Variants in SAMMSON observed in about 807,000 individuals in gnomAD.
SAMMSON encodes the protein survival associated mitochondrial melanoma specific oncogenic non-coding RNA, also known as long intergenic non-protein coding RNA 1212.
intron 4 of SAMMSON, among the ~76,000 whole-genome samples, chr3:70,230,166 C>A (rs1701544355): frequency 6.6e-6 from 1 of 152,156 alleles, no homozygotes; most frequent in African/African-American, 2.4e-5. Flanking sequence ...CTATCAGACA[C>A]AAGAGCCATC....
At chr3:70,112,438 A>G (rs2067393344) in intron 4 of SAMMSON, among the ~76,000 whole-genome samples, 1 of 152,138 alleles carries the variant, frequency 6.6e-6, no homozygotes, top group African/African-American at 2.4e-5. Flanking sequence ...AAAAATGGAA[A>G]CATTGGAAGG....
At chr3:70,119,454 C>G (rs1355597892) in intron 4 of SAMMSON, among the ~76,000 whole-genome samples, 5 of 152,060 alleles carry the variant, frequency 3.3e-5, no homozygotes, top group Admixed American at 3.3e-4. Flanking sequence ...GCTGAAATAG[C>G]ACATAGAACA....
intron 7 of SAMMSON, among the ~76,000 whole-genome samples, chr3:70,348,274 A>G (rs188338580): frequency 6.6e-6 from 1 of 152,224 alleles, no homozygotes; most frequent in Non-Finnish European, 1.5e-5. Context: ...GAAGATGGTC[A>G]TGGACAGAGG....
chr3:70,124,731 C>T (rs13318539), intron 4 of SAMMSON, among the ~76,000 whole-genome samples: 35,984 of 143,322 alleles, frequency 0.25, 4,815 homozygotes, highest in East Asian at 0.53. Flanking sequence ...AGGAGAATGG[C>T]GTGAACCCGG....
At chr3:70,225,520 A>C (rs1366362532) in intron 4 of SAMMSON, among the ~76,000 whole-genome samples, 3 of 152,352 alleles carry the variant, frequency 2.0e-5, no homozygotes, top group South Asian at 2.1e-4. Flanking sequence ...ATTCTAGTTT[A>C]AGAAAGCAAC....
At chr3:70,153,095 T>C (rs1164226695) in intron 4 of SAMMSON, among the ~76,000 whole-genome samples, 3 of 151,966 alleles carry the variant, frequency 2.0e-5, no homozygotes, top group African/African-American at 4.8e-5. Flanking sequence ...ATATATATTA[T>C]ACACATATAT....
chr3:70,423,730 G>A (rs1701331692), intron 2 of SAMMSON, among the ~76,000 whole-genome samples: 2 of 152,182 alleles, frequency 1.3e-5, no homozygotes, highest in Non-Finnish European at 2.9e-5. Flanking sequence ...AACTCTGTAT[G>A]TTTGGGGGTT....
At chr3:70,028,432 G>A (rs1424484071) in intron 3 of SAMMSON, among the ~76,000 whole-genome samples, 1 of 152,084 alleles carries the variant, frequency 6.6e-6, no homozygotes, top group Non-Finnish European at 1.5e-5. Flanking sequence ...CAGCCAGAGG[G>A]GTGAACTGAT....
At chr3:70,107,048 C>T (rs1414613618) in intron 4 of SAMMSON, among the ~76,000 whole-genome samples, 2 of 152,096 alleles carry the variant, frequency 1.3e-5, no homozygotes, top group African/African-American at 4.8e-5. Flanking sequence ...AATGCATTGT[C>T]TTGAGAGCTA....
chr3:70,295,748 T>C (rs1283581173), intron 7 of SAMMSON, among the ~76,000 whole-genome samples: 1 of 152,170 alleles, frequency 6.6e-6, no homozygotes, highest in Non-Finnish European at 1.5e-5. Context: ...TTTAAAGTGC[T>C]GTATCTTTTG....
intron 6 of SAMMSON, among the ~76,000 whole-genome samples, chr3:70,259,668 C>T (rs1240520921): frequency 2.6e-5 from 4 of 152,158 alleles, no homozygotes; most frequent in African/African-American, 9.7e-5. Flanking sequence ...TCAGTGGGCT[C>T]CCATATTAGT....
chr3:70,068,187 T>G (rs2067217427), intron 3 of SAMMSON: 1 of 152,098 alleles, frequency 6.6e-6, no homozygotes, highest in Admixed American at 6.6e-5. Context: ...CATTTTCTTT[T>G]CCTGTTATAG....
chr3:70,276,875 G>A (rs1464548632), intron 6 of SAMMSON, among the ~76,000 whole-genome samples: 1 of 152,104 alleles, frequency 6.6e-6, no homozygotes, highest in Non-Finnish European at 1.5e-5. Context: ...TTGTAGTTTT[G>A]TCAAATTACA....
chr3:70,391,014 A>T (rs1036307193), downstream of SAMMSON, among the ~76,000 whole-genome samples: 1 of 152,160 alleles, frequency 6.6e-6, no homozygotes, highest in Admixed American at 6.6e-5. Flanking sequence ...TTTATGAAAA[A>T]TATGTTACCA....
chr3:70,273,343 T>C (rs1259779754), intron 6 of SAMMSON, among the ~76,000 whole-genome samples: 3 of 152,170 alleles, frequency 2.0e-5, no homozygotes, highest in African/African-American at 7.2e-5. Flanking sequence ...TTATCACCTC[T>C]TTTTTCTTCG....
chr3:70,167,520 T>C lies in SAMMSON; in HGVS notation n.508-81587T>C, dbSNP rs565944068. Among the ~76,000 whole-genome samples the C allele has an allele frequency of 2.0e-5, 3 of 152,076 alleles. No individual in the cohort carries two copies. In the South Asian group the frequency reaches 6.2e-4, roughly 32 times the overall value. On this transcript the variant is annotated intron_variant and non_coding_transcript_variant, in intron 4 of 9. Coordinates refer to ENST00000642114, the Ensembl canonical transcript of SAMMSON. ...TGTATTTTGAGCAATACAGATCTAG[T>C]GATTTTTATCACTAGAAGGGAAGGT... is the stretch of plus-strand genomic sequence containing the variant.
At chr3:70,104,259 C>T (rs2067358191) in intron 4 of SAMMSON, among the ~76,000 whole-genome samples, 1 of 150,702 alleles carries the variant, frequency 6.6e-6, no homozygotes, top group Non-Finnish European at 1.5e-5. Context: ...ATCAGCAAAA[C>T]CTCGTGTTTT....
At chr3:70,145,383 C>CA (rs1431805938) in intron 4 of SAMMSON, among the ~76,000 whole-genome samples, 1 of 152,106 alleles carries the variant, frequency 6.6e-6, no homozygotes, top group African/African-American at 2.4e-5. Context: ...AACCTTCCAT[C>CA]AAAAACCAAC....
chr3:70,401,555 A>T (rs1701142027), intron 2 of SAMMSON, among the ~76,000 whole-genome samples: 1 of 149,078 alleles, frequency 6.7e-6, no homozygotes, highest in African/African-American at 2.6e-5. Context: ...TTTTAAGAAA[A>T]AATTATTCAT....
Sources: gnomAD v4.1 joint callset for allele counts (sites outside exome capture counted in the v4.1 genomes callset) on GRCh38, gnomAD v4.1.1 for gene constraint, MANE v1.5 for transcripts, NCBI Gene and HGNC (gene_info 2026-07-23, HGNC 2026-07-21) for gene names.